The following XRCC4 variants were observed in gnomAD, a reference collection of about 807,000 sequenced individuals.
XRCC4 encodes the protein DNA repair protein XRCC4.
XRCC4 carries 28 observed loss-of-function variants against 39.1 expected under a neutral mutation model. The ratio of observed to expected loss-of-function variants is 0.72; its 90% CI spans 0.53 to 0.98. The LOEUF (loss-of-function observed/expected upper bound fraction) is 0.98. Ranked by LOEUF, XRCC4 falls within the 50% of genes least tolerant of loss-of-function variation. XRCC4 has a pLI of 0.00. For synonymous variants in XRCC4, 123 were observed against 126.4 expected, an observed-to-expected ratio of 0.97 and a Z score of 0.18; for missense variants, 350 against 376.4, an observed-to-expected ratio of 0.93 and a Z score of 0.58.
chr5:83,279,566 T>G (rs1184787840), intron 7 of XRCC4, among the ~76,000 whole-genome samples: 1 of 152,192 alleles, frequency 6.6e-6, no homozygotes, highest in Non-Finnish European at 1.5e-5. Context: ...TAGTCTGAAT[T>G]TAATAACTTA....
At chr5:83,205,862 C>T (rs545741499) in intron 6 of XRCC4, among the ~76,000 whole-genome samples, 1 of 151,940 alleles carries the variant, frequency 6.6e-6, no homozygotes, top group East Asian at 1.9e-4. Context: ...GAAAAGGCCT[C>T]AGTGAGAAGG....
rs376382868 is a variant in XRCC4 at position 83,203,681 on chromosome 5, A to G, written c.612A>G (p.Glu204=). The G allele has an allele frequency of 7.5e-6, 12 of 1,609,118 alleles. No individual in the cohort carries two copies. The highest frequency in any genetic ancestry group is 1.0e-5 in the Non-Finnish European group (12 of 1,178,216). The change falls in exon 5 of 8, where the codon GAA becomes GAG. Residue 204 remains glutamate (E), a synonymous_variant. Transcript: ENST00000396027. ...ATAAATTATTAAATGCAGCTCAAGA[A>G]CGAGAAAAGGACATCAAACAAGAAG... ...LHNKLLNAAQ[E]REKDIKQEGE...
At chr5:83,174,124 A>G (rs1191137903) in intron 3 of XRCC4, among the ~76,000 whole-genome samples, 1 of 152,228 alleles carries the variant, frequency 6.6e-6, no homozygotes, top group East Asian at 1.9e-4. Context: ...TCATGGTGTC[A>G]TCTTCAACTT....
At chr5:83,226,151 G>C (rs1268076932) in intron 6 of XRCC4, among the ~76,000 whole-genome samples, 1 of 152,110 alleles carries the variant, frequency 6.6e-6, no homozygotes, top group Non-Finnish European at 1.5e-5. Flanking sequence ...AGATATATGT[G>C]CTAGTTCCCT....
chr5:83,163,266 G>A (rs1424618632), intron 3 of XRCC4, among the ~76,000 whole-genome samples: 2 of 151,982 alleles, frequency 1.3e-5, no homozygotes, highest in Admixed American at 6.6e-5. Context: ...TTATTTTCAA[G>A]AACTGTCATT....
intron 6 of XRCC4, among the ~76,000 whole-genome samples, chr5:83,243,519 A>AT (rs1752990982): frequency 6.6e-6 from 1 of 152,188 alleles, no homozygotes; most frequent in Non-Finnish European, 1.5e-5. Flanking sequence ...CTCGCTTAAC[A>AT]TTATCTACCT....
chr5:83,094,382 C>T (rs1745576380), intron 1 of XRCC4, among the ~76,000 whole-genome samples: 1 of 135,200 alleles, frequency 7.4e-6, no homozygotes, highest in Non-Finnish European at 1.6e-5. Context: ...CCTCTCTTCC[C>T]CTCCTCTCCC....
intron 6 of XRCC4, among the ~76,000 whole-genome samples, chr5:83,216,670 TGAGCC>T (rs1490345579): frequency 6.6e-6 from 1 of 152,214 alleles, no homozygotes; most frequent in Admixed American, 6.5e-5. Context: ...TTATTGTGGA[TGAGCC>T]TCAAAAAAAT....
intron 7 of XRCC4, among the ~76,000 whole-genome samples, chr5:83,269,748 T>C (rs1754073549): frequency 6.6e-6 from 1 of 152,100 alleles, no homozygotes; most frequent in African/African-American, 2.4e-5. Context: ...TTAGTAGATC[T>C]AACCCAGCGG....
intron 3 of XRCC4, among the ~76,000 whole-genome samples, chr5:83,140,055 T>C (rs1437326785): frequency 6.6e-6 from 1 of 152,228 alleles, no homozygotes; most frequent in East Asian, 1.9e-4. Flanking sequence ...CACAATATGT[T>C]CACTTATTTT....
chr5:83,191,196 A>G (rs1333388862), intron 3 of XRCC4, among the ~76,000 whole-genome samples: 1 of 152,214 alleles, frequency 6.6e-6, no homozygotes, highest in African/African-American at 2.4e-5. Context: ...ACTGAATAAT[A>G]CATTGTATGA....
intron 6 of XRCC4, among the ~76,000 whole-genome samples, chr5:83,217,575 A>G (rs565977119): frequency 6.6e-6 from 1 of 152,058 alleles, no homozygotes; most frequent in Non-Finnish European, 1.5e-5. Context: ...ATATTTTCAT[A>G]AATCACTGGA....
intron 7 of XRCC4, among the ~76,000 whole-genome samples, chr5:83,350,746 C>T (rs1757056445): frequency 6.6e-6 from 1 of 151,992 alleles, no homozygotes; most frequent in Non-Finnish European, 1.5e-5. Context: ...GTTTCTTTTG[C>T]TGTGTAGAAA....
chr5:83,106,848 G>A (rs1746222998), intron 2 of XRCC4, among the ~76,000 whole-genome samples: 1 of 151,882 alleles, frequency 6.6e-6, no homozygotes, highest in Admixed American at 6.6e-5. Context: ...AGAATGAAAG[G>A]ATGTCTCAAA....
chr5:83,107,590 A>G (rs950763671), intron 2 of XRCC4, among the ~76,000 whole-genome samples: 4 of 151,886 alleles, frequency 2.6e-5, no homozygotes, highest in African/African-American at 9.7e-5. Flanking sequence ...TCACATCAGT[A>G]TTACAGGCGG....
chr5:83,087,022 T>G (rs1388196623), intron 1 of XRCC4, among the ~76,000 whole-genome samples: 2 of 152,172 alleles, frequency 1.3e-5, no homozygotes, highest in Non-Finnish European at 2.9e-5. Flanking sequence ...AATTAAAAAA[T>G]CAGGCATTTC....
At chr5:83,283,813 T>G (rs1754635939) in intron 7 of XRCC4, among the ~76,000 whole-genome samples, 1 of 152,104 alleles carries the variant, frequency 6.6e-6, no homozygotes, top group African/African-American at 2.4e-5. Context: ...TATCTTACTA[T>G]GATCACATTG....
At chr5:83,272,585 C>T (rs573245083) in intron 7 of XRCC4, among the ~76,000 whole-genome samples, 2 of 152,120 alleles carry the variant, frequency 1.3e-5, no homozygotes, top group Admixed American at 6.5e-5. Context: ...TCTTTCCCCC[C>T]ACCCCACGAC....
At chr5:83,262,494 A>G (rs1753787548) in intron 7 of XRCC4, among the ~76,000 whole-genome samples, 1 of 152,068 alleles carries the variant, frequency 6.6e-6, no homozygotes, top group African/African-American at 2.4e-5. Context: ...TTTTGACTCA[A>G]TATACAGAGA....
Sources: gnomAD v4.1 joint callset for allele counts (sites outside exome capture counted in the v4.1 genomes callset) on GRCh38, gnomAD v4.1.1 for gene constraint, MANE v1.5 for transcripts, NCBI Gene and HGNC (gene_info 2026-07-23, HGNC 2026-07-21) for gene names.